CAMK4: variants seen among roughly 807,000 people sequenced by gnomAD.
CAMK4 encodes calcium/calmodulin dependent protein kinase IV, also known as calcium/calmodulin-dependent protein kinase type IV.
A neutral mutation model predicts 44.9 loss-of-function variants in CAMK4; 22 were observed. The observed-to-expected ratio is 0.49, with a 90% CI of 0.35 to 0.70. CAMK4 has a LOEUF of 0.70. CAMK4 is among the 30% of genes least tolerant of loss of function. CAMK4 has a pLI of 0.01. For synonymous variants in CAMK4, 218 were observed against 215.4 expected (o/e 1.01, Z -0.11); for missense variants, 498 against 586.8 (o/e 0.85, Z 1.56).
intron 1 of CAMK4, among the ~76,000 whole-genome samples, chr5:111,228,953 A>G (rs1345899811): frequency 6.6e-6 from 1 of 152,210 alleles, no homozygotes; most frequent in Non-Finnish European, 1.5e-5. Context: ...TGAACTGGCT[A>G]AGAGTGCCAG....
chr5:111,356,759 G>A (rs182492654), intron 2 of CAMK4, among the ~76,000 whole-genome samples: 2 of 152,080 alleles, frequency 1.3e-5, no homozygotes, highest in African/African-American at 4.8e-5. Flanking sequence ...ATTAAATAGG[G>A]AATCCTTTCC....
chr5:111,454,159 A>G (rs1326714927), intron 7 of CAMK4, among the ~76,000 whole-genome samples: 2 of 152,186 alleles, frequency 1.3e-5, no homozygotes, highest in African/African-American at 4.8e-5. Context: ...AAAGTGTCTG[A>G]CACCCATATA....
At chr5:111,346,815 A>C (rs929450109) in intron 2 of CAMK4, among the ~76,000 whole-genome samples, 1 of 144,778 alleles carries the variant, frequency 6.9e-6, no homozygotes, top group Non-Finnish European at 1.5e-5. Flanking sequence ...CAGCTCACCC[A>C]GTGTGCAAAA....
chr5:111,341,900 T>C lies in CAMK4; in HGVS notation c.162-2124T>C, dbSNP rs1307479254. On this transcript the variant is annotated intron_variant, in intron 1 of 10. Transcript: ENST00000282356. The stretch of plus-strand genomic sequence containing the variant: ...TCACCTCTACCCCAATCCAATGCCT[T>C]ATCTCGAATATGACAACTGTTCTTT... 3.3e-5 allele frequency among the ~76,000 whole-genome samples: 5 copies of C among 151,408 alleles called. No individual in the cohort carries two copies. The East Asian group carries it at 7.8e-4, about 24-fold the overall frequency.
intron 1 of CAMK4, among the ~76,000 whole-genome samples, chr5:111,268,421 A>C (rs1750358101): frequency 6.6e-6 from 1 of 152,212 alleles, no homozygotes; most frequent in Non-Finnish European, 1.5e-5. Flanking sequence ...ACAAATTTTC[A>C]TGGGAATAAT....
At position 111,326,533 on chromosome 5, in the gene CAMK4, C is replaced by T. The variant is rs908332310; in HGVS notation, c.162-17491C>T. 5.3e-5 allele frequency among the ~76,000 whole-genome samples: 8 copies of T among 151,216 alleles called. 1 individual carries two copies. Among genetic ancestry groups the T allele is most frequent in the African/African-American group, 1.9e-4 (8 of 41,220 alleles). The stretch of plus-strand genomic sequence containing the variant: ...CAAAAGCCTTAAAAAGTAAATAATG[C>T]CAGTATTACACAATCTTTTGCAGAA... On this transcript the variant is annotated intron_variant, in intron 1 of 10. Transcript: ENST00000282356.
chr5:111,299,121 G>A (rs1165582652), intron 1 of CAMK4, among the ~76,000 whole-genome samples: 3 of 152,218 alleles, frequency 2.0e-5, no homozygotes, highest in East Asian at 1.9e-4. Flanking sequence ...GGCCTAGGAG[G>A]TGGAGTGTAA....
intron 7 of CAMK4, among the ~76,000 whole-genome samples, chr5:111,469,172 A>AAAATATAT (rs1561507432): frequency 9.4e-5 from 3 of 31,978 alleles, no homozygotes; most frequent in African/African-American, 1.2e-4. Context: ...AAAAAAAAAA[A>AAAATATAT]ATATATATAT....
chr5:111,225,208 G>A (rs1243974582), intron 1 of CAMK4, among the ~76,000 whole-genome samples: 2 of 152,204 alleles, frequency 1.3e-5, no homozygotes, highest in Non-Finnish European at 2.9e-5. Context: ...ATGAACTAGT[G>A]TGGCTTTAAA....
At chr5:111,332,606 G>A (rs114872926) in intron 1 of CAMK4, among the ~76,000 whole-genome samples, 17 of 151,652 alleles carry the variant, frequency 1.1e-4, no homozygotes. Context: ...TCGCTGCAAT[G>A]AAATAACTTT....
intron 1 of CAMK4, among the ~76,000 whole-genome samples, chr5:111,333,772 TATA>T (rs993657724): frequency 1.3e-5 from 2 of 151,576 alleles, no homozygotes; most frequent in African/African-American, 4.8e-5. Flanking sequence ...AAGTAGAGAA[TATA>T]ATAATTCATA....
intron 4 of CAMK4, among the ~76,000 whole-genome samples, chr5:111,377,859 G>A (rs1198281984): frequency 6.6e-6 from 1 of 152,096 alleles, no homozygotes; most frequent in African/African-American, 2.4e-5. Context: ...AACCATTGAT[G>A]TACCCTGAGT....
chr5:111,426,076 A>C (rs1015037818), intron 5 of CAMK4, among the ~76,000 whole-genome samples: 4 of 145,700 alleles, frequency 2.7e-5, no homozygotes, highest in East Asian at 2.1e-4. Flanking sequence ...AAGCCATAAC[A>C]ATTTTTTTAA....
rs956288062 is a variant in CAMK4, at chr5:111,491,032, C to T, written c.*6566C>T. 9.9e-5 allele frequency: 15 copies of T among 152,186 alleles called. No homozygotes were observed. The highest frequency in any genetic ancestry group is 5.9e-4 in the Admixed American group (9 of 15,274). The allele number at this position is 152,186 out of a possible 1,614,324, so 9.4% of individuals were successfully genotyped here. A position where few individuals can be genotyped will look rare whatever the true frequency, so the allele number is the denominator to read the frequency against. On this transcript the variant is annotated 3_prime_UTR_variant, in exon 11 of 11. Coordinates refer to ENST00000282356, the MANE Select transcript of CAMK4 (RefSeq NM_001744.6). ...AACAAATTAGTTATTTATGCTCTTA[C>T]TTGAATGTCAGTCATTCATTTTATC...
chr5:111,432,209 G>A (rs1438579513), intron 5 of CAMK4, among the ~76,000 whole-genome samples: 1 of 152,076 alleles, frequency 6.6e-6, no homozygotes, highest in Admixed American at 6.5e-5. Context: ...GCAACAAGAT[G>A]GATAGAACTG....
intron 1 of CAMK4, among the ~76,000 whole-genome samples, chr5:111,287,747 G>T (rs1018579410): frequency 4.6e-5 from 7 of 152,228 alleles, no homozygotes; most frequent in Non-Finnish European, 5.9e-5. Flanking sequence ...TGTTTAAAAG[G>T]TGGTTCTGTC....
chr5:111,451,086 G>T (rs1754215944), intron 7 of CAMK4, among the ~76,000 whole-genome samples: 1 of 152,008 alleles, frequency 6.6e-6, no homozygotes, highest in African/African-American at 2.4e-5. Context: ...GAATTTTAGT[G>T]CTGGAAGGAA....
intron 4 of CAMK4, among the ~76,000 whole-genome samples, chr5:111,392,927 A>G (rs1251357370): frequency 6.6e-6 from 1 of 152,186 alleles, no homozygotes; most frequent in Admixed American, 6.5e-5. Flanking sequence ...TGACCCAGGA[A>G]GAGCTAGAGC....
rs1580445288 is a variant in CAMK4 at position 111,224,441 on chromosome 5, C to G, written c.-43C>G. 1 of 1,410,660 alleles carries G rather than the reference C, an allele frequency of 7.1e-7. No homozygotes were observed. Among genetic ancestry groups the G allele is most frequent in the Non-Finnish European group, 9.4e-7 (1 of 1,065,250 alleles). The allele number at this position is 1,410,660 out of a possible 1,614,324, so 87.4% of individuals were successfully genotyped here. A position where few individuals can be genotyped will look rare whatever the true frequency, so the allele number is the denominator to read the frequency against. On this transcript the variant is annotated 5_prime_UTR_variant, in exon 1 of 11. Coordinates refer to ENST00000282356, the MANE Select transcript of CAMK4 (RefSeq NM_001744.6). The surrounding 1 kb of genome is among the most constrained non-coding windows in gnomAD (Gnocchi z 5.7). ...GGCGGCCGGCTTCTCGCTCGGGCAG[C>G]GGCGGCGGCGGCGGCGGCGGCTTCC...
Sources: allele counts gnomAD v4.1 joint callset (sites outside exome capture counted in the v4.1 genomes callset), GRCh38; gene constraint gnomAD v4.1.1; non-coding constraint Gnocchi (gnomAD v3.1); transcripts MANE v1.5; gene names NCBI Gene and HGNC (gene_info 2026-07-23, HGNC 2026-07-21).